LMF1: variants seen among roughly 807,000 people sequenced by gnomAD.
The protein encoded by LMF1 is transmembrane protein 112.
Under a neutral mutation model 60.6 loss-of-function variants are expected in LMF1, and 68 were observed. The ratio of observed to expected loss-of-function variants is 1.12; its 90% CI spans 0.92 to 1.37. The LOEUF (loss-of-function observed/expected upper bound fraction) is 1.37. Among genes scored for constraint, LMF1 ranks in the 40% most tolerant of loss-of-function variants. The pLI, the probability that LMF1 is intolerant of heterozygous loss-of-function variation, is 0.00. For missense variants in LMF1, 948 were observed against 767.2 expected (o/e 1.24, Z -2.78); for synonymous variants, 418 against 324.7 (o/e 1.29, Z -3.09).
intron 10 of LMF1, chr16:856,083 C>T (rs778055441): frequency 2.5e-6 from 1 of 403,754 alleles, no homozygotes; most frequent in South Asian, 1.8e-5. Context: ...TCAGCAGCTC[C>T]AAGAGGAGTG....
intron 1 of LMF1, chr16:976,623 C>A (rs1335597528): frequency 2.2e-6 from 1 of 454,076 alleles, no homozygotes; most frequent in South Asian, 1.6e-5. Flanking sequence ...GTGCAGAGAG[C>A]AAATGCGTGC....
chr16:904,048 C>A (rs2070900728), intron 4 of LMF1: 3 of 171,410 alleles, frequency 1.8e-5, no homozygotes, highest in African/African-American at 3.7e-5. Flanking sequence ...CCTGTCTCTG[C>A]TGCGTGGTGG....
rs202082299 is a variant in LMF1 at position 948,429 on chromosome 16, C to CAA, written c.503+5927_503+5928insTT. ...ACAGAGTCAAAGCCAACGACAGAGT[C>CAA]AGCCAACGACAGAGTCAGAGACAAC... On this transcript the variant is annotated intron_variant, in intron 2 of 10. Coordinates refer to ENST00000262301, the MANE Select transcript of LMF1 (RefSeq NM_022773.4). Among the ~76,000 whole-genome samples, 448 of 150,256 alleles carry CAA rather than the reference C, an allele frequency of 3.0e-3. 1 individual carries two copies. The highest frequency in any genetic ancestry group is 0.01 in the African/African-American group (420 of 40,744).
In LMF1 at chr16:954,614, C is replaced by T; in HGVS notation, c.246G>A (p.Arg82=). ...FHQNKQLIGD[R]GLLPCRVFLK... ...GGAACACTCTGCAGGGAAGCAGCCC[C>T]CTGTCACCGATGAGCTGCTTGTTCT... Residue 82 remains arginine, a synonymous_variant, in exon 2 of 11, where the codon AGG becomes AGA. Coordinates refer to ENST00000262301, the MANE Select transcript of LMF1 (RefSeq NM_022773.4). The T allele has an allele frequency of 1.9e-6, 3 of 1,609,758 alleles. No individual in the cohort carries two copies. The highest frequency in any genetic ancestry group is 2.5e-6 in the Non-Finnish European group (3 of 1,176,970).
chr16:978,505 G>C (rs929223939), intron 1 of LMF1, among the ~76,000 whole-genome samples: 1 of 152,144 alleles, frequency 6.6e-6, no homozygotes, highest in Non-Finnish European at 1.5e-5. Context: ...TCTTCTCTGC[G>C]GCTGTCCTTG....
chr16:913,472 C>T (rs144711406), intron 3 of LMF1, among the ~76,000 whole-genome samples: 264 of 152,390 alleles, frequency 1.7e-3, no homozygotes, highest in Admixed American at 3.8e-3. Flanking sequence ...GCCCTGGCGC[C>T]TCGCCCGGTG....
intron 10 of LMF1, among the ~76,000 whole-genome samples, chr16:856,695 A>G (rs2069193322): frequency 6.6e-6 from 1 of 151,950 alleles, no homozygotes; most frequent in South Asian, 2.1e-4. Flanking sequence ...GCCAACTGGC[A>G]GGTTGGTGGG....
At chr16:891,652 G>A (rs1284571405) in intron 5 of LMF1, among the ~76,000 whole-genome samples, 6 of 152,226 alleles carry the variant, frequency 3.9e-5, no homozygotes, top group South Asian at 2.1e-4. Flanking sequence ...TTCCTGACCC[G>A]TCCTGAGGGT....
chr16:955,435 T>G (rs1301594721), intron 1 of LMF1, among the ~76,000 whole-genome samples: 2 of 137,780 alleles, frequency 1.5e-5, no homozygotes, highest in Admixed American at 7.4e-5. Context: ...ACACGTTACA[T>G]AAAATGCGTG....
At chr16:925,927 A>AT (rs2071581834) in intron 3 of LMF1, among the ~76,000 whole-genome samples, 3 of 152,248 alleles carry the variant, frequency 2.0e-5, no homozygotes, top group Admixed American at 2.0e-4. Context: ...ACGTGTTTGC[A>AT]TATGATCTGC....
rs750689071 is a variant in LMF1 at position 970,885 on chromosome 16, C to A, written c.96G>T (p.Ala32=). The change falls in exon 1 of 11, where the codon GCG becomes GCT. Residue 32 remains alanine, a synonymous_variant. Coordinates refer to ENST00000262301, the MANE Select transcript of LMF1 (RefSeq NM_022773.4). ...GAGAGCCTGCGGGGCCACGCCCCGG[C>A]GCGGGCGGCGACTCAGGCTCCGGAT... ...YSDPEPESPP[A]PGRGPAGSPA... is the part of the protein sequence containing the mutation. 3.8e-6 allele frequency: 6 copies of A among 1,572,306 alleles called. No individual in the cohort carries two copies. Among genetic ancestry groups the A allele is most frequent in the Admixed American group, 1.8e-5 (1 of 55,434 alleles).
At chr16:865,112 GGTT>G (rs1456658811) in intron 10 of LMF1, among the ~76,000 whole-genome samples, 4 of 152,104 alleles carry the variant, frequency 2.6e-5, no homozygotes, top group Admixed American at 1.3e-4. Flanking sequence ...TCTTAGTATA[GGTT>G]GTTTTTTACT....
chr16:928,158 G>A (rs1470329023), intron 3 of LMF1, among the ~76,000 whole-genome samples: 2 of 152,200 alleles, frequency 1.3e-5, no homozygotes, highest in Non-Finnish European at 2.9e-5. Flanking sequence ...AGGAGCGCCC[G>A]TTGCTGCTGA....
intron 10 of LMF1, among the ~76,000 whole-genome samples, chr16:866,854 A>C (rs2069622658): frequency 6.6e-6 from 1 of 152,208 alleles, no homozygotes; most frequent in South Asian, 2.1e-4. Flanking sequence ...CCCCAAGTCT[A>C]GAAAATGAGG....
Position 854,154 on chromosome 16 carries a change from C to A in LMF1, c.*378G>T. On this transcript the variant is annotated 3_prime_UTR_variant, in exon 11 of 11. Coordinates refer to ENST00000262301, the MANE Select transcript of LMF1 (RefSeq NM_022773.4). ...ACCAGGCCCTGGGACGCTAGAGACC[C>A]CAAGAGCTACCTGGCTGGGTCTATG... 2.1e-6 allele frequency: 1 copy of A among 482,628 alleles called. No individual in the cohort carries two copies. The highest frequency in any genetic ancestry group is 4.1e-6 in the Non-Finnish European group (1 of 246,332). 29.9% of individuals were successfully genotyped at this position (482,628 alleles called of 1,614,324 possible). A position where few individuals can be genotyped will look rare whatever the true frequency, so the allele number is the denominator to read the frequency against.
chr16:887,288 C>T (rs1465136641), intron 5 of LMF1, among the ~76,000 whole-genome samples: 1 of 152,238 alleles, frequency 6.6e-6, no homozygotes, highest in Admixed American at 6.5e-5. Flanking sequence ...GCAGCCCCAG[C>T]CGCTGTGCTC....
rs200138718 is a variant in LMF1 at position 859,884 on chromosome 16, G to GC, written c.1530-5179_1530-5178insG. On this transcript the variant is annotated intron_variant, in intron 10 of 10. Transcript: ENST00000262301. ...TGCAGTGGTGTCTCGGGATGGGTGT[G>GC]AGTGGTGTCTCGGGATGGGTGTGCA... Among the ~76,000 whole-genome samples, 302 of 95,302 alleles carry GC rather than the reference G, an allele frequency of 3.2e-3. 1 individual carries two copies. The highest frequency in any genetic ancestry group is 0.015 in the African/African-American group (229 of 15,514). 62.5% of individuals were successfully genotyped at this position (95,302 alleles called of 152,430 possible).
chr16:913,849 C>T (rs924867002), intron 3 of LMF1, among the ~76,000 whole-genome samples: 1 of 152,236 alleles, frequency 6.6e-6, no homozygotes, highest in South Asian at 2.1e-4. Context: ...CGCCATGGGG[C>T]AGCCCGAGGC....
At chr16:947,723 C>T (rs919789856) in intron 2 of LMF1, 3 of 381,254 alleles carry the variant, frequency 7.9e-6, no homozygotes, top group Non-Finnish European at 1.6e-5. Flanking sequence ...GCCTGCAGGG[C>T]CACTGCCAAA....
Sources: allele counts gnomAD v4.1 joint callset (sites outside exome capture counted in the v4.1 genomes callset), GRCh38; gene constraint gnomAD v4.1.1; transcripts MANE v1.5; gene names NCBI Gene and HGNC (gene_info 2026-07-23, HGNC 2026-07-21).